Variants in SAXO5 observed in about 807,000 individuals in gnomAD.
The protein encoded by SAXO5 is stabilizer of axonemal microtubules 5.
the SAXO5 span, chr19:7,508,118 C>T: frequency 9.0e-7 from 1 of 1,113,496 alleles, no homozygotes. Context: ...CGCCCCCTGA[C>T]TCATCAGGCC....
At chr19:7,504,409 T>C in the SAXO5 span, 1 of 1,613,708 alleles carries the variant, frequency 6.2e-7, no homozygotes, top group Non-Finnish European at 8.5e-7. Context: ...TGCCTGAAGA[T>C]AGGTATAAAG....
the SAXO5 span, among the ~76,000 whole-genome samples, chr19:7,507,868 G>C: frequency 2.0e-5 from 3 of 152,130 alleles, no homozygotes; most frequent in African/African-American, 7.2e-5. Flanking sequence ...GTCCCTAGGC[G>C]GCCCCACCTT....
At chr19:7,500,702 G>T in the SAXO5 span, 6 of 955,292 alleles carry the variant, frequency 6.3e-6, no homozygotes, top group African/African-American at 8.8e-5. Flanking sequence ...AGTGCTTGGC[G>T]AACAGAAAGG....
the SAXO5 span, chr19:7,505,991 C>A: frequency 6.3e-7 from 1 of 1,592,412 alleles, no homozygotes; most frequent in Admixed American, 1.8e-5. Flanking sequence ...GCCACCCAGC[C>A]GCCACGTGCC....
At chr19:7,501,206 G>T in the SAXO5 span, 59 of 1,541,106 alleles carry the variant, frequency 3.8e-5, no homozygotes, top group Non-Finnish European at 4.9e-5. Flanking sequence ...TCTCCAACGC[G>T]CACGCCGCCT....
the SAXO5 span, chr19:7,505,935 G>A: frequency 2.6e-6 from 4 of 1,537,934 alleles, no homozygotes; most frequent in East Asian, 6.8e-5. Flanking sequence ...TCGGACGCCG[G>A]AGCTTTCAAA....
At chr19:7,499,019 A>G in the SAXO5 span, 1 of 152,538 alleles carries the variant, frequency 6.6e-6, no homozygotes, top group Non-Finnish European at 1.5e-5. Context: ...CCAGTAAGAA[A>G]GTGCGTGGCA....
chr19:7,506,231 C>A, the SAXO5 span: 1 of 1,363,370 alleles, frequency 7.3e-7, no homozygotes, highest in Non-Finnish European at 9.7e-7. Flanking sequence ...CCCGAAAGCC[C>A]CGCCCCCATG....
chr19:7,501,283 G>A, the SAXO5 span: 2 of 1,573,082 alleles, frequency 1.3e-6, no homozygotes, highest in East Asian at 2.4e-5. Context: ...ATCTTCGACC[G>A]CGACTCCCTG....
At chr19:7,501,233 G>A in the SAXO5 span, 1 of 1,554,044 alleles carries the variant, frequency 6.4e-7, no homozygotes, top group Non-Finnish European at 8.6e-7. Context: ...GGCCCGAGCT[G>A]CCGGCGCGCA....
At chr19:7,503,384 GGA>G in the SAXO5 span, among the ~76,000 whole-genome samples, 1 of 151,906 alleles carries the variant, frequency 6.6e-6, no homozygotes, top group Non-Finnish European at 1.5e-5. Context: ...AAAGAGAGAC[GGA>G]GAGAGAGATA....
At chr19:7,506,817 T>A in the SAXO5 span, 13 of 344,318 alleles carry the variant, frequency 3.8e-5, no homozygotes, top group Middle Eastern at 1.0e-3. Flanking sequence ...CTCCTCCCTC[T>A]TCCCCAGCGC....
At chr19:7,505,422 A>G in the SAXO5 span, 5 of 1,613,998 alleles carry the variant, frequency 3.1e-6, no homozygotes, top group East Asian at 1.1e-4. Flanking sequence ...GAGCACTTCT[A>G]TGCCAGGGAG....
chr19:7,502,444 G>A, the SAXO5 span, among the ~76,000 whole-genome samples: 1 of 152,168 alleles, frequency 6.6e-6, no homozygotes, highest in Non-Finnish European at 1.5e-5. Flanking sequence ...ATGGGCAGAG[G>A]TGCTACCAGC....
At chr19:7,501,056 C>T in the SAXO5 span, 1 of 1,510,548 alleles carries the variant, frequency 6.6e-7, no homozygotes, top group Non-Finnish European at 8.8e-7. Context: ...GGGAAGAGCG[C>T]GTGTCGGAGG....
chr19:7,500,371 G>A, the SAXO5 span, among the ~76,000 whole-genome samples: 1 of 151,918 alleles, frequency 6.6e-6, no homozygotes, highest in African/African-American at 2.4e-5. Flanking sequence ...GCACAATCTC[G>A]GCTCACTGCA....
the SAXO5 span, chr19:7,506,258 A>C: frequency 0.013 from 13,420 of 1,025,150 alleles, 139 homozygotes; most frequent in Non-Finnish European, 0.016. Flanking sequence ...CTCCCCATGG[A>C]GCCCCGCCCC....
chr19:7,506,309 G>T, the SAXO5 span: 3 of 726,634 alleles, frequency 4.1e-6, no homozygotes, highest in Admixed American at 6.5e-5. Flanking sequence ...TGGAAGCCTC[G>T]CCCTTGCCAC....
the SAXO5 span, chr19:7,497,615 AC>A: frequency 6.6e-6 from 1 of 152,156 alleles, no homozygotes; most frequent in Non-Finnish European, 1.5e-5. Flanking sequence ...ACAGAGGGAG[AC>A]CCAAAGATCT....
Sources: allele counts gnomAD v4.1 joint callset (sites outside exome capture counted in the v4.1 genomes callset), GRCh38; gene constraint gnomAD v4.1.1; transcripts MANE v1.5; gene names NCBI Gene and HGNC (gene_info 2026-07-23, HGNC 2026-07-21).